The following TMCO6 variants were observed in gnomAD, a reference collection of about 807,000 sequenced individuals.
TMCO6 encodes the protein transmembrane and coiled-coil domains 6, also known as transmembrane and coiled-coil domain-containing protein 6.
In TMCO6, 47 loss-of-function variants were observed where a neutral mutation model predicts 61.8. That is an observed-to-expected ratio of 0.76 (90% CI 0.60 to 0.97). TMCO6 has a LOEUF of 0.97. TMCO6 is among the 50% of genes least tolerant of loss of function. TMCO6 has a pLI of 0.00. For missense variants in TMCO6, 557 were observed against 601.6 expected (o/e 0.93, Z 0.78); for synonymous variants, 261 against 254.2 (o/e 1.03, Z -0.25).
chr5:140,638,557 C>T (rs1365942907), upstream of TMCO6, among the ~76,000 whole-genome samples: 2 of 124,694 alleles, frequency 1.6e-5, no homozygotes, highest in African/African-American at 3.4e-5. Flanking sequence ...TTCTTTCTTT[C>T]TTTCTTTCTT....
Position 140,644,705 on chromosome 5 carries a change from G to C in TMCO6, c.1333G>C (p.Glu445Gln). 5 of 1,614,220 alleles carry C rather than the reference G, an allele frequency of 3.1e-6. No individual in the cohort carries two copies. Among genetic ancestry groups the C allele is most frequent in the Non-Finnish European group, 4.2e-6 (5 of 1,180,040 alleles). ...CACTGAAGTAGTAGGCCAGAGTTTG[G>C]AGCTGCTGCATCTGCTGTTCCTGTA... is the stretch of plus-strand genomic sequence containing the variant. ...SDTEVVGQSLELLHLLFLYQP... is the reference protein window; with the variant it reads ...SDTEVVGQSLQLLHLLFLYQP... The change falls in exon 11 of 12, where the codon GAG (glutamate) becomes CAG (glutamine). Residue 445 changes from glutamate to glutamine, a missense_variant. By Grantham distance (29) the Glu-to-Gln change is conservative. Coordinates refer to ENST00000394671, the MANE Select transcript of TMCO6 (RefSeq NM_018502.5).
downstream of TMCO6, chr5:140,645,436 G>A (rs750868915): frequency 2.0e-6 from 2 of 994,330 alleles, no homozygotes; most frequent in Non-Finnish European, 3.1e-6. Flanking sequence ...CACAGTAAGG[G>A]GTAGAGGGTA....
the TMCO6 span, among the ~76,000 whole-genome samples, chr5:140,603,857 A>C: frequency 6.6e-6 from 1 of 152,162 alleles, no homozygotes; most frequent in Non-Finnish European, 1.5e-5. Flanking sequence ...AGTATATACT[A>C]AGGAGTAGAA....
chr5:140,632,092 T>C, the TMCO6 span: 1 of 1,614,190 alleles, frequency 6.2e-7, no homozygotes, highest in African/African-American at 1.3e-5. The surrounding 1 kb of genome is among the most constrained non-coding windows in gnomAD (Gnocchi z 6.2). Context: ...ACTCTGAGCT[T>C]GGCTGGCAGT....
At chr5:140,626,274 GGAATGCAAT>G in the TMCO6 span, among the ~76,000 whole-genome samples, 1 of 151,520 alleles carries the variant, frequency 6.6e-6, no homozygotes, top group Admixed American at 6.6e-5. Flanking sequence ...CACCCAGGCT[GGAATGCAAT>G]GGTGTACTAT....
At chr5:140,632,763 T>C in the TMCO6 span, 37 of 1,613,358 alleles carry the variant, frequency 2.3e-5, no homozygotes, top group Non-Finnish European at 3.1e-5. This position sits in a 1 kb window ranked among gnomAD's most constrained non-coding sequence, Gnocchi z 6.2. Flanking sequence ...GGCGTCCGCA[T>C]CGACGCGCTT....
the TMCO6 span, among the ~76,000 whole-genome samples, chr5:140,620,596 C>T: frequency 2.6e-5 from 4 of 152,006 alleles, no homozygotes; most frequent in Admixed American, 6.6e-5. Flanking sequence ...TGGGGGTTGT[C>T]GATAATGAGG....
At chr5:140,613,113 G>A in the TMCO6 span, among the ~76,000 whole-genome samples, 1 of 152,066 alleles carries the variant, frequency 6.6e-6, no homozygotes, top group African/African-American at 2.4e-5. Flanking sequence ...AGGAGGGGCC[G>A]GGCACGGTGG....
chr5:140,642,185 C>G (rs1757080780), intron 4 of TMCO6, 130 bp from the exon 5 acceptor site: 1 of 1,399,282 alleles, frequency 7.1e-7, no homozygotes, highest in East Asian at 2.3e-5. Flanking sequence ...CTACACCCAT[C>G]ATCTCCCCAC....
chr5:140,623,961 TC>T, the TMCO6 span, among the ~76,000 whole-genome samples: 787 of 152,198 alleles, frequency 5.2e-3, 6 homozygotes, highest in African/African-American at 0.018. Context: ...TTTGACCATT[TC>T]CCCCCACTTC....
At chr5:140,627,513 T>G in the TMCO6 span, among the ~76,000 whole-genome samples, 1 of 152,224 alleles carries the variant, frequency 6.6e-6, no homozygotes, top group African/African-American at 2.4e-5. Context: ...TCTTTAAAAC[T>G]GTCTTTATTT....
chr5:140,629,130 G>A, the TMCO6 span, among the ~76,000 whole-genome samples: 1,516 of 152,150 alleles, frequency 1.0e-2, 9 homozygotes, highest in Non-Finnish European at 0.015. Flanking sequence ...TTAGCAGGGT[G>A]TGGTAGTGCA....
chr5:140,642,171 A>T, intron 4 of TMCO6, 118 bp downstream of exon 4: 1 of 1,438,492 alleles, frequency 7.0e-7, no homozygotes, highest in Non-Finnish European at 9.5e-7. Flanking sequence ...GCCTACAGCC[A>T]TGGCTACACC....
the TMCO6 span, among the ~76,000 whole-genome samples, chr5:140,625,445 C>T: frequency 2.2e-3 from 336 of 152,316 alleles, no homozygotes; most frequent in Admixed American, 3.8e-3. Context: ...CTGGACTGCT[C>T]TTCCAGCAGA....
At chr5:140,641,814 G>A (rs761310470) in intron 3 of TMCO6, 34 bp downstream of exon 3, 8 of 1,614,128 alleles carry the variant, frequency 5.0e-6, no homozygotes, top group Non-Finnish European at 6.8e-6. Flanking sequence ...GGGAGGAGTT[G>A]GGGCTCTGAG....
rs903787229 is a variant in TMCO6, at chr5:140,641,959, T to G, written c.404T>G (p.Leu135Arg). The G allele has an allele frequency of 3.1e-6, 5 of 1,613,934 alleles. No individual in the cohort carries two copies. Among genetic ancestry groups the G allele is most frequent in the Non-Finnish European group, 3.4e-6 (4 of 1,179,878 alleles). The change falls in exon 4 of 12, where the codon CTC becomes CGC. Residue 135 changes from leucine to arginine, a missense_variant. Transcript: ENST00000394671. ...GAGGCGGCTCGGTGCCTGCATGAGC[T>G]CTCTCACTCCGAGCAGTCCACTGTT... ...QLEAARCLHELSHSEQSTVAE... is the reference protein window; with the variant it reads ...QLEAARCLHERSHSEQSTVAE...
the TMCO6 span, among the ~76,000 whole-genome samples, chr5:140,604,975 A>C: frequency 4.6e-5 from 7 of 152,296 alleles, no homozygotes; most frequent in African/African-American, 1.7e-4. Flanking sequence ...TAAACATTGA[A>C]GGGATGTCTT....
chr5:140,619,635 G>T, the TMCO6 span, among the ~76,000 whole-genome samples: 32 of 152,040 alleles, frequency 2.1e-4, 1 homozygote, highest in African/African-American at 6.8e-4. Context: ...AGCAGTCCAT[G>T]CCTCTAATAA....
the TMCO6 span, among the ~76,000 whole-genome samples, chr5:140,602,456 C>T: frequency 6.6e-6 from 1 of 152,124 alleles, no homozygotes; most frequent in East Asian, 1.9e-4. Flanking sequence ...ATTCATGTTA[C>T]ATATAATTAG....
Sources: allele counts gnomAD v4.1 joint callset (sites outside exome capture counted in the v4.1 genomes callset), GRCh38; gene constraint gnomAD v4.1.1; non-coding constraint Gnocchi (gnomAD v3.1); transcripts MANE v1.5; gene names NCBI Gene and HGNC (gene_info 2026-07-23, HGNC 2026-07-21).